The following EPHX2 variants were observed in gnomAD, a reference collection of about 807,000 sequenced individuals.
EPHX2 encodes bifunctional epoxide hydrolase 2.
EPHX2 carries 74 observed loss-of-function variants against 78.7 expected under a neutral mutation model. The ratio of observed to expected loss-of-function variants is 0.94; its 90% CI spans 0.78 to 1.14. The LOEUF is 1.14. Ranked by LOEUF, EPHX2 falls within the 50% of genes most tolerant of loss-of-function variation. The pLI is 0.00. For synonymous variants in EPHX2, 251 were observed against 255.2 expected, an observed-to-expected ratio of 0.98 and a Z score of 0.16; for missense variants, 715 against 702.5, an observed-to-expected ratio of 1.02 and a Z score of -0.20.
At chr8:27,516,968 A>G (rs1334853662) in intron 8 of EPHX2, among the ~76,000 whole-genome samples, 1 of 136,674 alleles carries the variant, frequency 7.3e-6, no homozygotes, top group East Asian at 2.2e-4. Context: ...CACCCAGGCT[A>G]GAGTGCAATG....
chr8:27,545,956 C>T (rs1360995778), downstream of EPHX2, among the ~76,000 whole-genome samples: 34 of 152,112 alleles, frequency 2.2e-4, no homozygotes, highest in South Asian at 4.2e-4. Flanking sequence ...CCCATTTAAC[C>T]GAGAGGGAAA....
chr8:27,544,611 A>C lies in EPHX2; in HGVS notation c.*89A>C. On this transcript the variant is annotated 3_prime_UTR_variant, in exon 19 of 19. Transcript: ENST00000521400. ...AGTATACAGAGGTGGCCTTACACAC[A>C]TCTTGCATGGATGGCAGCATTGTTC... The C allele has an allele frequency of 7.6e-7, 1 of 1,320,706 alleles. No individual in the cohort carries two copies. Among genetic ancestry groups the C allele is most frequent in the Non-Finnish European group, 1.1e-6 (1 of 917,070 alleles). 81.8% of individuals were successfully genotyped at this position (1,320,706 alleles called of 1,614,324 possible). A position where few individuals can be genotyped will look rare whatever the true frequency, so the allele number is the denominator to read the frequency against.
chr8:27,514,659 C>T (rs1160505087), intron 6 of EPHX2, among the ~76,000 whole-genome samples: 2 of 152,308 alleles, frequency 1.3e-5, no homozygotes, highest in African/African-American at 4.8e-5. Flanking sequence ...TCTCTGCTGC[C>T]TCCACCTTCC....
chr8:27,515,900 G>T, intron 7 of EPHX2, 87 bp downstream of exon 7: 2 of 1,157,222 alleles, frequency 1.7e-6, no homozygotes, highest in Non-Finnish European at 2.5e-6. Context: ...TCGTGAGGAA[G>T]CTGAAACCTG....
intron 5 of EPHX2, among the ~76,000 whole-genome samples, chr8:27,510,788 T>TAA (rs879735636): frequency 6.9e-6 from 1 of 145,494 alleles, no homozygotes; most frequent in Non-Finnish European, 1.5e-5. Flanking sequence ...ATCCTGTCTT[T>TAA]AAAAAAAAAA....
At chr8:27,493,492 G>A (rs1813461701) in intron 1 of EPHX2, among the ~76,000 whole-genome samples, 1 of 152,212 alleles carries the variant, frequency 6.6e-6, no homozygotes, top group Admixed American at 6.5e-5. Flanking sequence ...GAAATCCTTT[G>A]AGAGTGTATG....
Position 27,544,746 on chromosome 8 carries a change from C to T in EPHX2, c.*224C>T. 1 of 573,628 alleles carries T rather than the reference C, an allele frequency of 1.7e-6. No homozygotes were observed. Among genetic ancestry groups the T allele is most frequent in the South Asian group, 2.2e-5 (1 of 45,790 alleles). 35.5% of individuals were successfully genotyped at this position (573,628 alleles called of 1,614,324 possible). ...GTGATTAGTTCTCCAGGCATGAATG[C>T]ATCGTCCCTTTATCTGTAAGAACCC... On this transcript the variant is annotated 3_prime_UTR_variant, in exon 19 of 19. Transcript: ENST00000521400.
At chr8:27,503,893 A>G (rs1202593496) in intron 3 of EPHX2, 130 bp downstream of exon 3, 1 of 1,190,794 alleles carries the variant, frequency 8.4e-7, no homozygotes, top group Admixed American at 2.7e-5. Context: ...CTCTTTAAAC[A>G]TGGCCCCAAA....
chr8:27,530,044 C>T (rs1814980740), intron 12 of EPHX2, among the ~76,000 whole-genome samples: 1 of 151,144 alleles, frequency 6.6e-6, no homozygotes, highest in African/African-American at 2.4e-5. Flanking sequence ...TTTCTTTCTC[C>T]TCAAAACATT....
At chr8:27,515,655 G>A in intron 6 of EPHX2, 63 bp from the exon 7 acceptor site, 1 of 1,404,756 alleles carries the variant, frequency 7.1e-7, no homozygotes. Context: ...TGCAGACGCT[G>A]TGGGGCCTGG....
rs72474000 is a variant in EPHX2, at chr8:27,500,662, G to A, written c.102-264G>A. 1.3e-3 allele frequency among the ~76,000 whole-genome samples: 199 copies of A among 152,296 alleles called. 2 individuals carry two copies. The highest frequency in any genetic ancestry group is 2.5e-3 in the Admixed American group (38 of 15,300). On this transcript the variant is annotated intron_variant, in intron 1 of 18. Coordinates refer to ENST00000521400, the MANE Select transcript of EPHX2 (RefSeq NM_001979.6). ...ACCGTTATATAGTAAAGTAGGAAGCGCCTCTGGGTGAAGCTGCTATTAGGT... is the reference window on the plus strand; with the variant it reads ...ACCGTTATATAGTAAAGTAGGAAGCACCTCTGGGTGAAGCTGCTATTAGGT...
intron 6 of EPHX2, among the ~76,000 whole-genome samples, chr8:27,514,155 A>C (rs1032772478): frequency 6.6e-6 from 1 of 152,024 alleles, no homozygotes; most frequent in East Asian, 1.9e-4. Flanking sequence ...CCCCATCTCT[A>C]AAATTAGCTG....
At chr8:27,505,217 G>T in intron 4 of EPHX2, 71 bp downstream of exon 4, 1 of 1,503,524 alleles carries the variant, frequency 6.7e-7, no homozygotes. Context: ...ACTGAGGAGT[G>T]AGCAGGTGGG....
At chr8:27,536,423 G>C (rs1815213696) in intron 12 of EPHX2, among the ~76,000 whole-genome samples, 1 of 151,916 alleles carries the variant, frequency 6.6e-6, no homozygotes, top group African/African-American at 2.4e-5. Flanking sequence ...AGAATCCTTG[G>C]AGCCCCTCTC....
At chr8:27,508,469 C>G (rs549636717) in intron 5 of EPHX2, among the ~76,000 whole-genome samples, 2 of 152,268 alleles carry the variant, frequency 1.3e-5, no homozygotes, top group Non-Finnish European at 2.9e-5. Flanking sequence ...AAGCTTTGTT[C>G]ATTTGTCCTT....
At chr8:27,494,826 G>A (rs1342338231) in intron 1 of EPHX2, among the ~76,000 whole-genome samples, 2 of 152,238 alleles carry the variant, frequency 1.3e-5, no homozygotes, top group Non-Finnish European at 2.9e-5. Context: ...CTGGCTTCGG[G>A]CATGAGTACC....
At chr8:27,511,572 G>T (rs1294193238) in intron 5 of EPHX2, among the ~76,000 whole-genome samples, 1 of 152,192 alleles carries the variant, frequency 6.6e-6, no homozygotes, top group South Asian at 2.1e-4. Context: ...GGGTTTTAAT[G>T]TGCCAGGTAG....
intron 4 of EPHX2, among the ~76,000 whole-genome samples, chr8:27,505,399 G>A (rs1436765299): frequency 1.3e-5 from 2 of 152,154 alleles, no homozygotes; most frequent in Non-Finnish European, 2.9e-5. Flanking sequence ...AGCAAAAGCT[G>A]TTTTAGCCCA....
intron 11 of EPHX2, among the ~76,000 whole-genome samples, chr8:27,524,920 C>T (rs112428372): frequency 6.6e-6 from 1 of 152,134 alleles, no homozygotes; most frequent in Non-Finnish European, 1.5e-5. Context: ...TACATTTTCT[C>T]TCCTCTAGTA....
Sources: allele counts gnomAD v4.1 joint callset (sites outside exome capture counted in the v4.1 genomes callset), GRCh38; gene constraint gnomAD v4.1.1; transcripts MANE v1.5; gene names NCBI Gene and HGNC (gene_info 2026-07-23, HGNC 2026-07-21).